The following SDK1 variants were observed in gnomAD, a reference collection of about 807,000 sequenced individuals.
The protein encoded by SDK1 is sidekick cell adhesion molecule 1, also known as protein sidekick-1.
In SDK1, 157 loss-of-function variants were observed where a neutral mutation model predicts 245.5. The observed-to-expected ratio is 0.64, with a 90% CI of 0.56 to 0.73. The LOEUF (loss-of-function observed/expected upper bound fraction) is 0.73, where lower values mean the gene tolerates loss of function less well. Ranked by LOEUF, SDK1 falls within the 30% of genes least tolerant of loss-of-function variation. The pLI is 0.00. For missense variants in SDK1, 3,583 were observed against 3,002.3 expected (o/e 1.19, Z -4.52); for synonymous variants, 1,647 against 1,278.5 (o/e 1.29, Z -6.15).
chr7:3,621,201 A>C (rs1326100799), intron 2 of SDK1, among the ~76,000 whole-genome samples: 1 of 152,190 alleles, frequency 6.6e-6, no homozygotes, highest in African/African-American at 2.4e-5. Context: ...GAAGGGGTGT[A>C]AGAAAGCAGA....
intron 2 of SDK1, among the ~76,000 whole-genome samples, chr7:3,620,256 G>C (rs1432451234): frequency 6.6e-6 from 1 of 151,628 alleles, no homozygotes; most frequent in Non-Finnish European, 1.5e-5. Flanking sequence ...CTGTGTGTTT[G>C]TATTTTAAAA....
intron 7 of SDK1, 189 bp downstream of exon 7, chr7:3,952,109 A>T: frequency 3.4e-6 from 2 of 596,744 alleles, no homozygotes; most frequent in Non-Finnish European, 5.8e-6. Context: ...TTAAATCCAA[A>T]GTGTTGATGT....
intron 1 of SDK1, among the ~76,000 whole-genome samples, chr7:3,474,593 C>G (rs987726152): frequency 6.6e-6 from 1 of 152,150 alleles, no homozygotes; most frequent in Non-Finnish European, 1.5e-5. Context: ...TACCGTCTTG[C>G]CACCTCTACT....
intron 9 of SDK1, among the ~76,000 whole-genome samples, chr7:3,966,084 G>A (rs983325929): frequency 1.3e-5 from 2 of 152,034 alleles, no homozygotes; most frequent in African/African-American, 4.8e-5. Flanking sequence ...TCAAAGGGCA[G>A]CCCAAGGCTG....
At chr7:3,620,136 C>G (rs1781890657) in intron 2 of SDK1, among the ~76,000 whole-genome samples, 1 of 152,020 alleles carries the variant, frequency 6.6e-6, no homozygotes, top group African/African-American at 2.4e-5. Context: ...TAACAAGCTT[C>G]TCAAATGGGG....
At chr7:3,388,215 A>G (rs541706868) in intron 1 of SDK1, among the ~76,000 whole-genome samples, 1 of 152,018 alleles carries the variant, frequency 6.6e-6, no homozygotes, top group South Asian at 2.1e-4. Context: ...TTAAATTTCT[A>G]TTTATAAATG....
At chr7:3,599,126 C>G (rs73673639) in intron 1 of SDK1, among the ~76,000 whole-genome samples, 2 of 141,918 alleles carry the variant, frequency 1.4e-5, no homozygotes, top group Non-Finnish European at 3.0e-5. Context: ...ACATCCTCAC[C>G]GGCATCTGGC....
intron 22 of SDK1, among the ~76,000 whole-genome samples, chr7:4,085,165 T>A (rs1251736507): frequency 6.6e-6 from 1 of 152,236 alleles, no homozygotes; most frequent in East Asian, 1.9e-4. Flanking sequence ...ATTAAGAGGT[T>A]CAACCTGTGG....
chr7:4,038,698 C>T, intron 17 of SDK1, among the ~76,000 whole-genome samples: 1 of 152,192 alleles, frequency 6.6e-6, no homozygotes, highest in East Asian at 1.9e-4. Flanking sequence ...TTGGCTTTGG[C>T]TGTTAAATGC....
chr7:3,768,749 C>T (rs1780326994), intron 4 of SDK1, among the ~76,000 whole-genome samples: 1 of 152,190 alleles, frequency 6.6e-6, no homozygotes, highest in Admixed American at 6.5e-5. Context: ...CAGAAATAGT[C>T]ACCAATGCTT....
chr7:4,245,806 G>T lies in SDK1; in HGVS notation c.6381+1G>T. 1.2e-6 allele frequency: 2 copies of T among 1,613,762 alleles called. No homozygotes were observed. The highest frequency in any genetic ancestry group is 1.7e-6 in the Non-Finnish European group (2 of 1,179,896). ...GTCGGCAGATGCATCAGAATCTGAG[G>T]TCAGTGTCGGTGCCTACTTCCGGGC... On this transcript the variant is annotated splice_donor_variant, in intron 44 of 44. Coordinates refer to ENST00000404826, the MANE Select transcript of SDK1 (RefSeq NM_152744.4). LOFTEE classifies it high-confidence loss of function.
intron 1 of SDK1, among the ~76,000 whole-genome samples, chr7:3,461,267 G>A (rs1780823439): frequency 6.6e-6 from 1 of 152,088 alleles, no homozygotes; most frequent in South Asian, 2.1e-4. Context: ...TTGGAACCTT[G>A]TTTTCTAGTC....
chr7:3,498,379 C>T (rs905219405), intron 1 of SDK1, among the ~76,000 whole-genome samples: 1 of 152,140 alleles, frequency 6.6e-6, no homozygotes, highest in Non-Finnish European at 1.5e-5. Context: ...GCCTTCTAGA[C>T]GTGAGCTCAT....
At chr7:3,350,725 A>G (rs1172503947) in intron 1 of SDK1, among the ~76,000 whole-genome samples, 10 of 152,120 alleles carry the variant, frequency 6.6e-5, no homozygotes, top group South Asian at 2.1e-4. Context: ...ACAGTCACCA[A>G]TGTCATATTT....
chr7:4,051,870 A>G (rs776016746), intron 19 of SDK1, 40 bp downstream of exon 19: 8 of 1,565,282 alleles, frequency 5.1e-6, no homozygotes, highest in Non-Finnish European at 6.1e-6. Flanking sequence ...GTCACTTGTC[A>G]AAGAGGTGTA....
chr7:3,403,853 ATATATATATATATAT>A lies in SDK1; in HGVS notation c.298+101970_298+101984del, dbSNP rs1562466156. Among the ~76,000 whole-genome samples, 35 of 91,708 alleles carry A rather than the reference ATATATATATATATAT, an allele frequency of 3.8e-4. No homozygotes were observed. The East Asian group carries it at 8.3e-3, about 22-fold the overall frequency. 60.2% of individuals were successfully genotyped at this position (91,708 alleles called of 152,430 possible). A position where few individuals can be genotyped will look rare whatever the true frequency, so the allele number is the denominator to read the frequency against. The stretch of plus-strand genomic sequence containing the variant: ...TATATATATATATATATATATATAT[ATATATATATATATAT>A]AATATATATATTTATTTATATTATA... On this transcript the variant is annotated intron_variant, in intron 1 of 44. Transcript: ENST00000404826.
At chr7:4,245,340 G>A (rs1483646409) in intron 43 of SDK1, among the ~76,000 whole-genome samples, 3 of 152,216 alleles carry the variant, frequency 2.0e-5, no homozygotes, top group South Asian at 2.1e-4. Flanking sequence ...CCTGCATCTG[G>A]CAAGCACCTA....
chr7:4,067,078 C>G (rs1030814431), intron 19 of SDK1, among the ~76,000 whole-genome samples: 1 of 152,304 alleles, frequency 6.6e-6, no homozygotes, highest in South Asian at 2.1e-4. Context: ...TGTTTTATTA[C>G]AATTTATTCT....
At chr7:4,171,595 CCAGGGCCAGA>C (rs1781842270) in intron 32 of SDK1, among the ~76,000 whole-genome samples, 1 of 152,216 alleles carries the variant, frequency 6.6e-6, no homozygotes, top group Non-Finnish European at 1.5e-5. Context: ...AGGCGGCCAG[CCAGGGCCAGA>C]GTAGAGAGGC....
Sources: allele counts gnomAD v4.1 joint callset (sites outside exome capture counted in the v4.1 genomes callset), GRCh38; gene constraint gnomAD v4.1.1; transcripts MANE v1.5; gene names NCBI Gene and HGNC (gene_info 2026-07-23, HGNC 2026-07-21).